Variants in ABHD13 observed in about 807,000 individuals in gnomAD.
ABHD13 encodes abhydrolase domain containing 13.
In ABHD13, 7 loss-of-function variants were observed where a neutral mutation model predicts 25.2. That is an observed-to-expected ratio of 0.28 (90% CI 0.16 to 0.52). The LOEUF (loss-of-function observed/expected upper bound fraction) is 0.52, where lower values mean the gene tolerates loss of function less well. Among genes scored for constraint, ABHD13 ranks in the 20% least tolerant of loss-of-function variants. The probability of loss-of-function intolerance (pLI) is 0.96; values close to 1 mark genes in which losing one functional copy is unlikely to be tolerated. For missense variants in ABHD13, 302 were observed against 402.7 expected (o/e 0.75, Z 2.14); for synonymous variants, 133 against 136.1 (o/e 0.98, Z 0.16).
At position 108,230,182 on chromosome 13, in the gene ABHD13, C is replaced by G. The variant is rs1167159616; in HGVS notation, c.964C>G (p.His322Asp). ...GTTCATCAAAGAAGTCGTAAAGAGC[C>G]ATTCTCCTGAAGAAATGGCAAAAAC... ...EQFIKEVVKS[H>D]SPEEMAKTSS... The change falls in exon 2 of 2, where the codon CAT (histidine) becomes GAT (aspartate). Residue 322 changes from histidine to aspartate, a missense_variant. By Grantham distance (81) the His-to-Asp change is moderately conservative. Transcript: ENST00000375898. 6.2e-7 allele frequency: 1 copy of G among 1,608,250 alleles called. No homozygotes were observed. The highest frequency in any genetic ancestry group is 8.5e-7 in the Non-Finnish European group (1 of 1,177,360).
At chr13:108,223,897 T>A (rs532031751) in intron 1 of ABHD13, among the ~76,000 whole-genome samples, 46 of 152,328 alleles carry the variant, frequency 3.0e-4, no homozygotes, top group Non-Finnish European at 5.3e-4. Flanking sequence ...TAGATTATGC[T>A]GAATACTTGC....
chr13:108,220,827 T>C (rs1040094774), intron 1 of ABHD13, among the ~76,000 whole-genome samples: 2 of 152,234 alleles, frequency 1.3e-5, no homozygotes, highest in African/African-American at 2.4e-5. Flanking sequence ...AAAACAAATA[T>C]TCTAAGTTTC....
In ABHD13 at chr13:108,231,121, T is replaced by C. The variant is rs1879794985; in HGVS notation, c.*889T>C. On this transcript the variant is annotated 3_prime_UTR_variant, in exon 2 of 2. Coordinates refer to ENST00000375898, the MANE Select transcript of ABHD13 (RefSeq NM_032859.3). ...TAGTGAAGATTAGCACTACTTAGAA[T>C]TAAATTAGGAAGTCTTTTATCATTG... The C allele has an allele frequency of 6.0e-6, 1 of 166,646 alleles. No individual in the cohort carries two copies. The highest frequency in any genetic ancestry group is 1.5e-5 in the Non-Finnish European group (1 of 67,978). The allele number at this position is 166,646 out of a possible 1,614,324, so 10.3% of individuals were successfully genotyped here.
rs1879856020 is a variant in ABHD13 at position 108,233,585 on chromosome 13, C to T, written c.*3353C>T. On this transcript the variant is annotated 3_prime_UTR_variant, in exon 2 of 2. Coordinates refer to ENST00000375898, the MANE Select transcript of ABHD13 (RefSeq NM_032859.3). ...AGTCATAACCCTTTTGGGTTATCCA[C>T]TTAAATTTAGGTATTTTCATATTAC... 1 of 166,628 alleles carries T rather than the reference C, an allele frequency of 6.0e-6. No homozygotes were observed. Among genetic ancestry groups the T allele is most frequent in the African/African-American group, 2.4e-5 (1 of 41,392 alleles). 10.3% of individuals were successfully genotyped at this position (166,628 alleles called of 1,614,324 possible). A position where few individuals can be genotyped will look rare whatever the true frequency, so the allele number is the denominator to read the frequency against.
intron 1 of ABHD13, among the ~76,000 whole-genome samples, chr13:108,221,100 T>A (rs538200268): frequency 5.3e-5 from 8 of 152,360 alleles, no homozygotes; most frequent in African/African-American, 1.7e-4. Flanking sequence ...CTGGTATAAT[T>A]TTTGAGCTAT....
intron 1 of ABHD13, among the ~76,000 whole-genome samples, chr13:108,228,747 T>TA (rs1026550649): frequency 2.0e-5 from 3 of 151,900 alleles, no homozygotes; most frequent in Admixed American, 1.3e-4. Context: ...GCCCTGGACA[T>TA]ACGTAACCTA....
intron 1 of ABHD13, among the ~76,000 whole-genome samples, chr13:108,222,504 T>G (rs1480268658): frequency 6.6e-6 from 1 of 152,168 alleles, no homozygotes; most frequent in Non-Finnish European, 1.5e-5. Context: ...AATACAGTTA[T>G]ATGGTTAAAT....
intron 1 of ABHD13, among the ~76,000 whole-genome samples, chr13:108,219,602 C>T (rs903766368): frequency 2.0e-5 from 3 of 152,214 alleles, no homozygotes; most frequent in Non-Finnish European, 4.4e-5. Context: ...CTACCTAAGA[C>T]ATCAGCTGCT....
chr13:108,225,723 T>C (rs1879658939), intron 1 of ABHD13, among the ~76,000 whole-genome samples: 1 of 152,046 alleles, frequency 6.6e-6, no homozygotes, highest in African/African-American at 2.4e-5. Context: ...AATTGAGAAA[T>C]GGGACTGTCA....
intron 1 of ABHD13, among the ~76,000 whole-genome samples, chr13:108,227,075 TC>T (rs1879689909): frequency 6.6e-6 from 1 of 152,094 alleles, no homozygotes; most frequent in South Asian, 2.1e-4. Flanking sequence ...TATTCCGACT[TC>T]CATAGTGCAA....
chr13:108,223,589 C>A (rs1048017242), intron 1 of ABHD13, among the ~76,000 whole-genome samples: 1 of 152,228 alleles, frequency 6.6e-6, no homozygotes, highest in Non-Finnish European at 1.5e-5. Flanking sequence ...TACAGTGACT[C>A]CAACACGTGA....
At chr13:108,220,118 T>C (rs1879528844) in intron 1 of ABHD13, among the ~76,000 whole-genome samples, 1 of 152,198 alleles carries the variant, frequency 6.6e-6, no homozygotes, top group Non-Finnish European at 1.5e-5. Flanking sequence ...GAAATATATA[T>C]TTAGAGAGGC....
chr13:108,219,127 G>C (rs971617344), intron 1 of ABHD13, among the ~76,000 whole-genome samples: 3 of 151,902 alleles, frequency 2.0e-5, no homozygotes, highest in Non-Finnish European at 4.4e-5. Flanking sequence ...AATAATTCCA[G>C]CTACTAGGTT....
intron 1 of ABHD13, among the ~76,000 whole-genome samples, chr13:108,225,981 A>G (rs747923261): frequency 1.3e-5 from 2 of 152,140 alleles, no homozygotes; most frequent in African/African-American, 2.4e-5. Context: ...AGAAGAACCC[A>G]ACAAATAATA....
chr13:108,230,248 T>A lies in ABHD13; in HGVS notation c.*16T>A, dbSNP rs1374507005. ...AATTATATAATGTTTCCCTTTTTGA[T>A]TATTGCATTGTATTTTAATTTGTGC... On this transcript the variant is annotated 3_prime_UTR_variant, in exon 2 of 2. Coordinates refer to ENST00000375898, the MANE Select transcript of ABHD13 (RefSeq NM_032859.3). 6.5e-7 allele frequency: 1 copy of A among 1,536,112 alleles called. No individual in the cohort carries two copies. Among genetic ancestry groups the A allele is most frequent in the Non-Finnish European group, 8.8e-7 (1 of 1,136,370 alleles).
Position 108,229,186 on chromosome 13 carries a change from T to C in ABHD13, c.-20-13T>C. The C allele has an allele frequency of 3.6e-6, 5 of 1,393,030 alleles. No individual in the cohort carries two copies. Among genetic ancestry groups the C allele is most frequent in the Non-Finnish European group, 4.8e-6 (5 of 1,037,976 alleles). The allele number at this position is 1,393,030 out of a possible 1,614,324, so 86.3% of individuals were successfully genotyped here. On this transcript the variant is annotated splice_polypyrimidine_tract_variant and intron_variant, in intron 1 of 1. Transcript: ENST00000375898. The surrounding 1 kb of genome is among the most constrained non-coding windows in gnomAD (Gnocchi z 4.7). ...GACGTTGAATTATTGATATTCTCCC[T>C]CTCTCTCTCTAGGATACTTACAGAG... is the stretch of plus-strand genomic sequence containing the variant.
chr13:108,222,971 CGTT>C (rs1191492801), intron 1 of ABHD13, among the ~76,000 whole-genome samples: 1 of 152,210 alleles, frequency 6.6e-6, no homozygotes, highest in Non-Finnish European at 1.5e-5. Flanking sequence ...TGTGGGTACT[CGTT>C]GGTACGACTC....
rs1879788305 is a variant in ABHD13 at position 108,230,852 on chromosome 13, C to T, written c.*620C>T. The stretch of plus-strand genomic sequence containing the variant: ...ATGTGCAGGTTGCCATTGAATTTTG[C>T]TCTGGTGAATGCTGAGATCCAGCTT... On this transcript the variant is annotated 3_prime_UTR_variant, in exon 2 of 2. Coordinates refer to ENST00000375898, the MANE Select transcript of ABHD13 (RefSeq NM_032859.3). The T allele has an allele frequency of 6.0e-6, 1 of 166,782 alleles. No individual in the cohort carries two copies. Among genetic ancestry groups the T allele is most frequent in the Non-Finnish European group, 1.5e-5 (1 of 67,952 alleles). The allele number at this position is 166,782 out of a possible 1,614,324, so 10.3% of individuals were successfully genotyped here. A position where few individuals can be genotyped will look rare whatever the true frequency, so the allele number is the denominator to read the frequency against.
chr13:108,219,459 G>T (rs1414912420), intron 1 of ABHD13, among the ~76,000 whole-genome samples: 8 of 152,138 alleles, frequency 5.3e-5, no homozygotes, highest in African/African-American at 1.2e-4. Context: ...TCTTTTGACG[G>T]GAGGGGGTTC....
Sources: allele counts gnomAD v4.1 joint callset (sites outside exome capture counted in the v4.1 genomes callset), GRCh38; gene constraint gnomAD v4.1.1; non-coding constraint Gnocchi (gnomAD v3.1); transcripts MANE v1.5; gene names NCBI Gene and HGNC (gene_info 2026-07-23, HGNC 2026-07-21).